Variants in EIF4G3 observed in about 807,000 individuals in gnomAD.
EIF4G3 encodes eIF-4-gamma 3.
Under a neutral mutation model 186.4 loss-of-function variants are expected in EIF4G3, and 34 were observed. That is an observed-to-expected ratio of 0.18 (90% CI 0.14 to 0.24). EIF4G3 has a LOEUF of 0.24. Ranked by LOEUF, EIF4G3 falls within the 10% of genes least tolerant of loss-of-function variation. EIF4G3 has a pLI of 1.00. For missense variants in EIF4G3, 1,536 were observed against 1,948.5 expected (o/e 0.79, Z 3.99); for synonymous variants, 673 against 679.5 (o/e 0.99, Z 0.15).
chr1:21,144,624 C>T (rs1051173708), intron 2 of EIF4G3, among the ~76,000 whole-genome samples: 8 of 152,116 alleles, frequency 5.3e-5, no homozygotes, highest in Admixed American at 1.3e-4. Flanking sequence ...CCTTGGTACA[C>T]TCTGAATAGT....
At chr1:21,100,000 A>C (rs1231265693) in intron 2 of EIF4G3, among the ~76,000 whole-genome samples, 1 of 152,236 alleles carries the variant, frequency 6.6e-6, no homozygotes, top group African/African-American at 2.4e-5. Context: ...AAATTGTGGC[A>C]TATCAATACA....
chr1:21,106,631 A>G (rs1253024022), intron 2 of EIF4G3, among the ~76,000 whole-genome samples: 1 of 152,220 alleles, frequency 6.6e-6, no homozygotes, highest in Non-Finnish European at 1.5e-5. Flanking sequence ...GTAAATACAC[A>G]AAGTGAATAT....
intron 2 of EIF4G3, among the ~76,000 whole-genome samples, chr1:21,097,153 T>A (rs1009283572): frequency 1.3e-5 from 2 of 152,248 alleles, no homozygotes; most frequent in South Asian, 4.1e-4. Flanking sequence ...GCTTTACTAT[T>A]CTGTACAAAT....
chr1:20,924,419 A>G (rs922478550), intron 14 of EIF4G3, among the ~76,000 whole-genome samples: 1 of 152,252 alleles, frequency 6.6e-6, no homozygotes, highest in African/African-American at 2.4e-5. Context: ...TATATTACTG[A>G]AGAATAACTG....
chr1:20,861,479 G>A (rs1027320340), intron 23 of EIF4G3, among the ~76,000 whole-genome samples: 8 of 152,176 alleles, frequency 5.3e-5, no homozygotes, highest in East Asian at 3.8e-4. Flanking sequence ...TCTGAGCTGG[G>A]CACCTTACGT....
intron 4 of EIF4G3, among the ~76,000 whole-genome samples, chr1:21,026,096 A>C (rs1487598351): frequency 2.0e-5 from 3 of 152,204 alleles, no homozygotes; most frequent in African/African-American, 7.2e-5. Flanking sequence ...GGATAGCCAA[A>C]ACAATAGCTG....
chr1:21,024,212 G>C (rs1350551445), intron 4 of EIF4G3, among the ~76,000 whole-genome samples: 1 of 151,182 alleles, frequency 6.6e-6, no homozygotes, highest in African/African-American at 2.4e-5. Context: ...CATCCGGGAG[G>C]GAGGTGGGGG....
intron 4 of EIF4G3, among the ~76,000 whole-genome samples, chr1:21,020,906 T>C (rs532769866): frequency 5.9e-5 from 9 of 152,330 alleles, no homozygotes; most frequent in Admixed American, 5.2e-4. Context: ...GTAGTTCTAC[T>C]GACTATTAGA....
intron 7 of EIF4G3, among the ~76,000 whole-genome samples, chr1:20,992,610 T>G (rs192219477): frequency 6.6e-6 from 1 of 152,192 alleles, no homozygotes; most frequent in East Asian, 1.9e-4. Context: ...TAAATCCCAC[T>G]GCTTTGAATA....
intron 14 of EIF4G3, chr1:20,941,284 A>C (rs1351897874): frequency 1.9e-6 from 3 of 1,551,772 alleles, no homozygotes; most frequent in Non-Finnish European, 2.6e-6. Flanking sequence ...TATATTTGGA[A>C]ATTCTCATTT....
intron 12 of EIF4G3, among the ~76,000 whole-genome samples, chr1:20,952,660 C>A (rs1277894863): frequency 1.3e-5 from 2 of 152,068 alleles, no homozygotes; most frequent in African/African-American, 4.8e-5. Flanking sequence ...ATCAGCCTGG[C>A]CAACATGATG....
chr1:21,030,734 C>T (rs1024362430), intron 4 of EIF4G3, among the ~76,000 whole-genome samples: 2 of 152,166 alleles, frequency 1.3e-5, no homozygotes, highest in Admixed American at 6.5e-5. Context: ...TTTACACTTA[C>T]AAAACATCTC....
intron 13 of EIF4G3, among the ~76,000 whole-genome samples, chr1:20,945,458 TAA>T (rs2095897244): frequency 6.6e-6 from 1 of 152,282 alleles, no homozygotes; most frequent in Admixed American, 6.5e-5. Flanking sequence ...TTGTTTGTAA[TAA>T]AAGATATGTT....
Position 20,895,570 on chromosome 1 carries a change from G to GT in EIF4G3, c.2000-70dup, listed in dbSNP as rs2154556037. ...ATACAGTCATGCATTGCATAACGAT[G>GT]TTTCGATCAATAACAAACTGCATAT... On this transcript the variant is annotated intron_variant, in intron 16 of 36. Coordinates refer to ENST00000602326, the MANE Select transcript of EIF4G3 (RefSeq NM_001391906.1). The GT allele has an allele frequency of 2.0e-6, 3 of 1,505,110 alleles. No individual in the cohort carries two copies. In the South Asian group the frequency reaches 3.7e-5, roughly 18 times the overall value. 93.2% of individuals were successfully genotyped at this position (1,505,110 alleles called of 1,614,324 possible).
chr1:20,929,847 T>C (rs1183475940), intron 14 of EIF4G3, among the ~76,000 whole-genome samples: 2 of 152,120 alleles, frequency 1.3e-5, no homozygotes, highest in African/African-American at 2.4e-5. Flanking sequence ...TACCACTAAA[T>C]TTTACTGCCA....
intron 4 of EIF4G3, among the ~76,000 whole-genome samples, chr1:21,007,322 C>T (rs1319756706): frequency 4.6e-5 from 7 of 151,770 alleles, no homozygotes; most frequent in Admixed American, 1.3e-4. Context: ...TGCTTGAACT[C>T]GGGAGGCAGA....
At chr1:20,910,912 A>G (rs1048484672) in intron 14 of EIF4G3, among the ~76,000 whole-genome samples, 1 of 152,236 alleles carries the variant, frequency 6.6e-6, no homozygotes, top group African/African-American at 2.4e-5. Flanking sequence ...TATGCAGGCT[A>G]CATACTTGAA....
At chr1:20,882,199 ACACACACACACACAC>A (rs2082571414) in intron 19 of EIF4G3, among the ~76,000 whole-genome samples, 2 of 151,818 alleles carry the variant, frequency 1.3e-5, no homozygotes, top group East Asian at 1.9e-4. Flanking sequence ...ACACACACAC[ACACACACACACACAC>A]AAAATCATTT....
intron 18 of EIF4G3, chr1:20,893,093 CTTT>C (rs1184859243): frequency 1.7e-3 from 243 of 145,432 alleles, no homozygotes; most frequent in South Asian, 4.5e-3. Flanking sequence ...TTTTTCTTTT[CTTT>C]TTTTTTTTTT....
Sources: gnomAD v4.1 joint callset for allele counts (sites outside exome capture counted in the v4.1 genomes callset) on GRCh38, gnomAD v4.1.1 for gene constraint, MANE v1.5 for transcripts, NCBI Gene and HGNC (gene_info 2026-07-23, HGNC 2026-07-21) for gene names.